The following PDE4D variants were observed in gnomAD, a reference collection of about 807,000 sequenced individuals.
PDE4D encodes phosphodiesterase 4D.
A neutral mutation model predicts 87.4 loss-of-function variants in PDE4D; 24 were observed. That is an observed-to-expected ratio of 0.27 (90% CI 0.20 to 0.39). PDE4D has a LOEUF of 0.39. PDE4D is among the 10% of genes least tolerant of loss of function. The pLI is 1.00. For synonymous variants in PDE4D, 384 were observed against 383.2 expected, an observed-to-expected ratio of 1.00 and a Z score of -0.02; for missense variants, 714 against 1,041.0, an observed-to-expected ratio of 0.69 and a Z score of 4.32.
rs367910196 is a variant in PDE4D at position 59,990,235 on chromosome 5, G to A, written c.43-1518C>T. Among the ~76,000 whole-genome samples the A allele has an allele frequency of 2.5e-4, 38 of 152,150 alleles. No homozygotes were observed. In the East Asian group the frequency reaches 6.8e-3, roughly 27 times the overall value. The stretch of plus-strand genomic sequence containing the variant: ...ACTGAGATAATAATATTTACCTCTC[G>A]GAGTCATTGTGTGGACCAAATATAT... On this transcript the variant is annotated intron_variant, in intron 2 of 16. Transcript: ENST00000502484.
intron 1 of PDE4D, chr5:60,448,779 A>G (rs1226122434): frequency 1.3e-5 from 2 of 152,148 alleles, no homozygotes; most frequent in African/African-American, 2.4e-5. Flanking sequence ...CAGTGCTTTC[A>G]TAGCAGATAT....
chr5:59,700,180 G>A (rs1752363624), intron 1 of PDE4D, among the ~76,000 whole-genome samples: 1 of 152,178 alleles, frequency 6.6e-6, no homozygotes, highest in African/African-American at 2.4e-5. Context: ...CTGCAGGGCT[G>A]TGTGATTACA....
At chr5:59,347,960 G>C (rs539962652) in intron 1 of PDE4D, among the ~76,000 whole-genome samples, 1 of 152,120 alleles carries the variant, frequency 6.6e-6, no homozygotes, top group South Asian at 2.1e-4. Flanking sequence ...GGTTTCCCTG[G>C]CTTCCCCAAG....
At chr5:59,507,464 C>G (rs947082047) in intron 1 of PDE4D, among the ~76,000 whole-genome samples, 6 of 151,748 alleles carry the variant, frequency 4.0e-5, no homozygotes, top group Admixed American at 1.3e-4. Flanking sequence ...GAGTTTGAGT[C>G]TAGCCTGGGC....
Position 59,487,390 on chromosome 5 carries a change from A to C in PDE4D, c.456-271422T>G, listed in dbSNP as rs989236021. On this transcript the variant is annotated intron_variant, in intron 1 of 14. Transcript: ENST00000340635. The stretch of plus-strand genomic sequence containing the variant: ...AGCATTTGAGGTTTTTTTCGTGTTC[A>C]GTTAAGAGGAAATAAGTAGGTAAAA... Among the ~76,000 whole-genome samples, 5 of 152,282 alleles carry C rather than the reference A, an allele frequency of 3.3e-5. No individual in the cohort carries two copies. The South Asian group carries it at 6.2e-4, about 19-fold the overall frequency.
intron 5 of PDE4D, among the ~76,000 whole-genome samples, chr5:59,167,817 A>AG (rs1296362275): frequency 2.0e-5 from 3 of 152,120 alleles, no homozygotes; most frequent in African/African-American, 7.2e-5. Context: ...AGCTTACTGG[A>AG]GGTATTTTAT....
At chr5:59,186,040 T>TAGGAGAAG (rs776184482) in intron 3 of PDE4D, among the ~76,000 whole-genome samples, 15 of 152,184 alleles carry the variant, frequency 9.9e-5, no homozygotes, top group Non-Finnish European at 1.9e-4. Flanking sequence ...AGGAGAAGGT[T>TAGGAGAAG]CCTAGAGCCT....
intron 2 of PDE4D, among the ~76,000 whole-genome samples, chr5:60,167,469 C>A (rs1223627666): frequency 6.6e-6 from 1 of 151,728 alleles, no homozygotes; most frequent in East Asian, 1.9e-4. Flanking sequence ...GGGGTTTCAC[C>A]GTGTTAGCCA....
chr5:59,953,623 A>G (rs1758525627), intron 3 of PDE4D, among the ~76,000 whole-genome samples: 1 of 152,224 alleles, frequency 6.6e-6, no homozygotes, highest in South Asian at 2.1e-4. Flanking sequence ...ACTCTTGACA[A>G]GACATTACAA....
chr5:59,018,803 C>T (rs1394174851), intron 6 of PDE4D, among the ~76,000 whole-genome samples: 1 of 152,028 alleles, frequency 6.6e-6, no homozygotes, highest in Non-Finnish European at 1.5e-5. Flanking sequence ...AAGGAGAGTC[C>T]TATGTACTCT....
At chr5:60,356,650 C>G (rs540887415) in intron 1 of PDE4D, among the ~76,000 whole-genome samples, 176 of 152,266 alleles carry the variant, frequency 1.2e-3, no homozygotes, top group Non-Finnish European at 2.2e-3. Flanking sequence ...TTTCCCCCCA[C>G]TTTAAAAAGT....
intron 2 of PDE4D, among the ~76,000 whole-genome samples, chr5:60,008,795 C>T (rs925973957): frequency 2.0e-5 from 3 of 152,048 alleles, no homozygotes; most frequent in Non-Finnish European, 4.4e-5. Context: ...GCTCCTATTG[C>T]TCCTCAAACA....
intron 3 of PDE4D, among the ~76,000 whole-genome samples, chr5:59,189,249 T>TTG (rs1209694653): frequency 1.5e-4 from 16 of 103,654 alleles, no homozygotes; most frequent in African/African-American, 3.5e-4. Context: ...TTTTTGTTTT[T>TTG]TTTGTTTTTT....
At chr5:59,238,681 T>C (rs1757007788) in intron 1 of PDE4D, among the ~76,000 whole-genome samples, 1 of 152,136 alleles carries the variant, frequency 6.6e-6, no homozygotes. Flanking sequence ...TAGTTATCCC[T>C]TTTGAGTACC....
chr5:60,309,976 T>A (rs1028655610), intron 1 of PDE4D, among the ~76,000 whole-genome samples: 13 of 152,206 alleles, frequency 8.5e-5, no homozygotes, highest in African/African-American at 3.1e-4. Flanking sequence ...GTAACATCAT[T>A]TGAGTGCACT....
At chr5:59,729,678 C>G (rs569844965) in intron 1 of PDE4D, among the ~76,000 whole-genome samples, 1 of 151,570 alleles carries the variant, frequency 6.6e-6, no homozygotes, top group Non-Finnish European at 1.5e-5. Context: ...AAAATACCTA[C>G]GAAAGTAAGT....
At chr5:60,261,758 A>G (rs1205298306) in intron 1 of PDE4D, among the ~76,000 whole-genome samples, 2 of 152,154 alleles carry the variant, frequency 1.3e-5, no homozygotes, top group Non-Finnish European at 2.9e-5. Flanking sequence ...CAAAAATAAA[A>G]GTCTCTTCAA....
chr5:59,120,527 T>C (rs1774306130), intron 5 of PDE4D, among the ~76,000 whole-genome samples: 1 of 152,140 alleles, frequency 6.6e-6, no homozygotes, highest in African/African-American at 2.4e-5. Context: ...TTAAAAAAAT[T>C]GATAAACATC....
chr5:59,994,355 T>C (rs554206130), intron 2 of PDE4D, among the ~76,000 whole-genome samples: 7 of 151,720 alleles, frequency 4.6e-5, no homozygotes, highest in East Asian at 3.9e-4. Flanking sequence ...CATATATATA[T>C]ACATACATAT....
Sources: gnomAD v4.1 joint callset for allele counts (sites outside exome capture counted in the v4.1 genomes callset) on GRCh38, gnomAD v4.1.1 for gene constraint, MANE v1.5 for transcripts, NCBI Gene and HGNC (gene_info 2026-07-23, HGNC 2026-07-21) for gene names.